Variants in B4GALT1 observed in about 807,000 individuals in gnomAD.
B4GALT1 encodes N-acetyllactosamine synthase.
A neutral mutation model predicts 34.9 loss-of-function variants in B4GALT1; 16 were observed. The ratio of observed to expected loss-of-function variants is 0.46; its 90% CI spans 0.31 to 0.70. The LOEUF is 0.70. B4GALT1 is among the 30% of genes least tolerant of loss of function. The probability of loss-of-function intolerance (pLI) is 0.05; values close to 1 mark genes in which losing one functional copy is unlikely to be tolerated. For synonymous variants in B4GALT1, 221 were observed against 218.1 expected (o/e 1.01, Z -0.12); for missense variants, 445 against 530.5 (o/e 0.84, Z 1.58).
the B4GALT1 span, among the ~76,000 whole-genome samples, chr9:33,184,578 A>G: frequency 6.6e-6 from 1 of 152,216 alleles, no homozygotes; most frequent in African/African-American, 2.4e-5. Context: ...AACCTCCTCC[A>G]GGTGCTCACC....
At chr9:33,170,853 T>C (rs1821026963), upstream of B4GALT1, among the ~76,000 whole-genome samples, 1 of 152,204 alleles carries the variant, frequency 6.6e-6, no homozygotes, top group Admixed American at 6.5e-5. Context: ...CTCTACTTCG[T>C]CAGGTGAAAA....
At position 33,111,228 on chromosome 9, in the gene B4GALT1, T is replaced by G. The variant is rs989926711; in HGVS notation, c.*2226A>C. On this transcript the variant is annotated 3_prime_UTR_variant, in exon 6 of 6. Coordinates refer to ENST00000379731, the MANE Select transcript of B4GALT1 (RefSeq NM_001497.4). ...TTGGTTCTAAGAATGAACCACATAC[T>G]TGACATGAATGAGAAGGTAACCAAA... 4 of 105,808 alleles carry G rather than the reference T, an allele frequency of 3.8e-5. No homozygotes were observed. In the East Asian group the frequency reaches 1.2e-3, roughly 32 times the overall value. 6.6% of individuals were successfully genotyped at this position (105,808 alleles called of 1,614,324 possible).
At chr9:33,182,325 A>G in the B4GALT1 span, among the ~76,000 whole-genome samples, 6 of 152,228 alleles carry the variant, frequency 3.9e-5, no homozygotes, top group Non-Finnish European at 7.3e-5. Flanking sequence ...CTAATCCAGT[A>G]TGACCCCATC....
intron 2 of B4GALT1, among the ~76,000 whole-genome samples, chr9:33,130,834 G>A (rs1291875358): frequency 2.0e-5 from 3 of 152,068 alleles, no homozygotes; most frequent in Non-Finnish European, 4.4e-5. Flanking sequence ...CCCTGAGTGG[G>A]GGTGCAGCAG....
At chr9:33,171,675 C>T (rs1465396089), upstream of B4GALT1, among the ~76,000 whole-genome samples, 2 of 152,142 alleles carry the variant, frequency 1.3e-5, no homozygotes, top group African/African-American at 4.8e-5. Flanking sequence ...CTGCCTCAGC[C>T]TCCCGAGTAG....
At chr9:33,149,164 A>C (rs1489082398) in intron 1 of B4GALT1, among the ~76,000 whole-genome samples, 1 of 151,242 alleles carries the variant, frequency 6.6e-6, no homozygotes, top group Non-Finnish European at 1.5e-5. Flanking sequence ...AACCCAGTGG[A>C]TATCAAGAAA....
At chr9:33,128,698 C>A (rs1840148466) in intron 2 of B4GALT1, among the ~76,000 whole-genome samples, 1 of 152,184 alleles carries the variant, frequency 6.6e-6, no homozygotes, top group African/African-American at 2.4e-5. Flanking sequence ...TCAATCTGTG[C>A]ACTGACAGCT....
intron 2 of B4GALT1, among the ~76,000 whole-genome samples, chr9:33,131,129 C>T (rs1275220822): frequency 1.3e-5 from 2 of 152,212 alleles, no homozygotes; most frequent in Non-Finnish European, 1.5e-5. Context: ...ACACTCTCAG[C>T]CCTGGATACC....
chr9:33,121,466 G>A (rs950119357), intron 2 of B4GALT1, among the ~76,000 whole-genome samples: 9 of 151,414 alleles, frequency 5.9e-5, no homozygotes, highest in African/African-American at 2.2e-4. Context: ...GGATTCAAGC[G>A]ATTCTCCTGC....
chr9:33,120,712 T>C (rs1840009627), intron 2 of B4GALT1, 106 bp from the exon 3 acceptor site: 7 of 1,175,994 alleles, frequency 6.0e-6, no homozygotes, highest in South Asian at 5.2e-5. Context: ...TAGGAAACTC[T>C]TGGGCCTCAC....
chr9:33,126,943 GTTTGTTTGTTTTTTTGT>G (rs1468915328), intron 2 of B4GALT1, among the ~76,000 whole-genome samples: 1 of 150,692 alleles, frequency 6.6e-6, no homozygotes, highest in Admixed American at 6.6e-5. Flanking sequence ...GACAGTTTTT[GTTTGTTTGTTTTTTTGT>G]TTTGTTTGTT....
At chr9:33,174,983 AAAAAAAAATATATATAT>A in the B4GALT1 span, among the ~76,000 whole-genome samples, 31 of 38,608 alleles carry the variant, frequency 8.0e-4, no homozygotes, top group Admixed American at 1.3e-3. Context: ...AAAAAAAAAA[AAAAAAAAATATATATAT>A]ATATATATAT....
chr9:33,184,540 T>G, the B4GALT1 span, among the ~76,000 whole-genome samples: 1 of 152,298 alleles, frequency 6.6e-6, no homozygotes, highest in African/African-American at 2.4e-5. Flanking sequence ...CCTCAGAATT[T>G]TCAGTCTAAT....
the B4GALT1 span, among the ~76,000 whole-genome samples, chr9:33,183,442 T>C: frequency 1.4e-5 from 2 of 144,182 alleles, no homozygotes; most frequent in African/African-American, 5.2e-5. Flanking sequence ...CACCATGGAA[T>C]ACTATGCAGC....
chr9:33,140,899 T>A (rs1185958341), intron 1 of B4GALT1, among the ~76,000 whole-genome samples: 1 of 152,220 alleles, frequency 6.6e-6, no homozygotes, highest in Admixed American at 6.5e-5. Context: ...GGGCTAGAAA[T>A]GAGAAGCACC....
intron 1 of B4GALT1, among the ~76,000 whole-genome samples, chr9:33,162,396 G>A (rs1415415327): frequency 6.6e-6 from 1 of 152,176 alleles, no homozygotes; most frequent in Non-Finnish European, 1.5e-5. Flanking sequence ...AGTTCCTGAA[G>A]AGGAGGCACT....
intron 2 of B4GALT1, among the ~76,000 whole-genome samples, chr9:33,133,030 G>A (rs764326465): frequency 6.6e-6 from 1 of 152,100 alleles, no homozygotes; most frequent in Non-Finnish European, 1.5e-5. Context: ...AGCCTCCCGA[G>A]TAGCTGGGAT....
chr9:33,157,273 T>C lies in B4GALT1; in HGVS notation c.412+9485A>G, dbSNP rs569024205. Among the ~76,000 whole-genome samples the C allele has an allele frequency of 5.9e-5, 9 of 152,246 alleles. No individual in the cohort carries two copies. In the South Asian group the frequency reaches 1.0e-3, roughly 18 times the overall value. The stretch of plus-strand genomic sequence containing the variant: ...AACCTGTGAATGATTCCAAACCTCT[T>C]GGAAAGCAATGCAGCAATGTGAATC... On this transcript the variant is annotated intron_variant, in intron 1 of 5. Coordinates refer to ENST00000379731, the MANE Select transcript of B4GALT1 (RefSeq NM_001497.4).
chr9:33,152,172 C>T (rs373407132), intron 1 of B4GALT1, among the ~76,000 whole-genome samples: 3 of 151,908 alleles, frequency 2.0e-5, no homozygotes, highest in African/African-American at 7.3e-5. Flanking sequence ...GGTGTGGTGG[C>T]GGGTGCCTGT....
Sources: gnomAD v4.1 joint callset for allele counts (sites outside exome capture counted in the v4.1 genomes callset) on GRCh38, gnomAD v4.1.1 for gene constraint, MANE v1.5 for transcripts, NCBI Gene and HGNC (gene_info 2026-07-23, HGNC 2026-07-21) for gene names.